UBE3D: variants seen among roughly 807,000 people sequenced by gnomAD.
UBE3D encodes the protein ubiquitin protein ligase E3D.
In UBE3D, 48 loss-of-function variants were observed where a neutral mutation model predicts 49.6. The ratio of observed to expected loss-of-function variants is 0.97; its 90% confidence interval spans 0.77 to 1.23. The LOEUF (loss-of-function observed/expected upper bound fraction) is 1.23, where lower values mean the gene tolerates loss of function less well. Ranked by LOEUF, UBE3D falls within the 50% of genes most tolerant of loss-of-function variation. UBE3D has a pLI of 0.00. For synonymous variants in UBE3D, 189 were observed against 174.2 expected (o/e 1.08, Z -0.67); for missense variants, 452 against 468.4 (o/e 0.96, Z 0.32).
chr6:82,937,596 C>G (rs766860034), intron 9 of UBE3D, among the ~76,000 whole-genome samples: 6 of 152,166 alleles, frequency 3.9e-5, no homozygotes, highest in Non-Finnish European at 7.3e-5. Flanking sequence ...AGAAATCTTT[C>G]TTGGAGTAAC....
chr6:82,885,915 A>G, the UBE3D span, among the ~76,000 whole-genome samples: 2 of 152,144 alleles, frequency 1.3e-5, no homozygotes, highest in African/African-American at 2.4e-5. Flanking sequence ...TAAGGCCCAC[A>G]TAAAATCTTG....
chr6:82,907,062 T>C (rs187487103), intron 9 of UBE3D, among the ~76,000 whole-genome samples: 8 of 152,260 alleles, frequency 5.3e-5, no homozygotes, highest in African/African-American at 1.9e-4. Context: ...CATTCCTGTA[T>C]GGGTAAAAGA....
chr6:83,058,024 T>C lies in UBE3D; in HGVS notation c.78-2A>G, dbSNP rs762331532. 1 of 1,613,786 alleles carries C rather than the reference T, an allele frequency of 6.2e-7. No homozygotes were observed. The highest frequency in any genetic ancestry group is 8.5e-7 in the Non-Finnish European group (1 of 1,179,934). On this transcript the variant is annotated splice_acceptor_variant, in intron 1 of 9. Coordinates refer to ENST00000369747, the MANE Select transcript of UBE3D (RefSeq NM_198920.3). LOFTEE classifies it high-confidence loss of function. ...GGCATACCTCCTTCTTTCGGTTCTC[T>C]GGTAATTAAAAACAAAACCCAAACA...
At chr6:83,063,379 ACT>A in intron 1 of UBE3D, 1 of 149,176 alleles carries the variant, frequency 6.7e-6, no homozygotes, top group Non-Finnish European at 1.5e-5. Flanking sequence ...ACACCACTGC[ACT>A]GTAGCCTGGG....
chr6:82,971,275 T>TA, intron 8 of UBE3D, among the ~76,000 whole-genome samples: 1 of 152,228 alleles, frequency 6.6e-6, no homozygotes, highest in East Asian at 1.9e-4. Context: ...TATGTTCTAT[T>TA]ACATTACCAG....
chr6:82,982,417 T>C (rs1033511839), intron 8 of UBE3D, among the ~76,000 whole-genome samples: 3 of 152,350 alleles, frequency 2.0e-5, no homozygotes, highest in Non-Finnish European at 2.9e-5. Context: ...ATATTATTAA[T>C]TGGTTGGTAA....
chr6:82,887,397 T>G (rs1436840045), downstream of UBE3D, among the ~76,000 whole-genome samples: 1 of 145,658 alleles, frequency 6.9e-6, no homozygotes, highest in East Asian at 2.0e-4. Context: ...CAGTTTTTTT[T>G]TTTTTTTTTT....
chr6:82,898,135 T>C (rs1771465227), intron 9 of UBE3D, among the ~76,000 whole-genome samples: 1 of 152,114 alleles, frequency 6.6e-6, no homozygotes. Flanking sequence ...TGAGATACCA[T>C]CAAATGCCAG....
chr6:82,957,381 C>T lies in UBE3D; in HGVS notation c.1080G>A (p.Glu360=). Residue 360 remains glutamate, a synonymous_variant, in exon 9 of 10, where the codon GAG becomes GAA. Coordinates refer to ENST00000369747, the MANE Select transcript of UBE3D (RefSeq NM_198920.3). ...TACTCTTTGACAATATCAACAGCAG[C>T]TCCAAGCAGGTTGCAGAGGGCAGGG... ...PLTLPSATCL[E]LLLILSKSNA... is the part of the protein sequence containing the mutation. 1 of 1,614,122 alleles carries T rather than the reference C, an allele frequency of 6.2e-7. No homozygotes were observed. The highest frequency in any genetic ancestry group is 8.5e-7 in the Non-Finnish European group (1 of 1,180,008).
intron 2 of UBE3D, among the ~76,000 whole-genome samples, chr6:83,055,435 T>C (rs1028246372): frequency 1.1e-4 from 16 of 152,352 alleles, no homozygotes; most frequent in Admixed American, 9.8e-4. Context: ...CAGAAATCCC[T>C]ATAGCACTAA....
At chr6:82,933,850 T>C (rs1258411931) in intron 9 of UBE3D, among the ~76,000 whole-genome samples, 1 of 152,194 alleles carries the variant, frequency 6.6e-6, no homozygotes, top group African/African-American at 2.4e-5. Flanking sequence ...AGCACTTCCA[T>C]GGACCAGAAG....
chr6:83,028,981 A>C (rs1185574564), intron 5 of UBE3D, among the ~76,000 whole-genome samples: 1 of 152,166 alleles, frequency 6.6e-6, no homozygotes, highest in African/African-American at 2.4e-5. Flanking sequence ...AGTTCACCTT[A>C]ATTGTATTAG....
Position 82,983,155 on chromosome 6 carries a change from GTT to G in UBE3D, c.1011-25707_1011-25706del, listed in dbSNP as rs5877831. 3.0e-3 allele frequency among the ~76,000 whole-genome samples: 409 copies of G among 134,746 alleles called. 1 individual carries two copies. The highest frequency in any genetic ancestry group is 6.3e-3 in the African/African-American group (233 of 36,746). The allele number at this position is 134,746 out of a possible 152,430, so 88.4% of individuals were successfully genotyped here. A position where few individuals can be genotyped will look rare whatever the true frequency, so the allele number is the denominator to read the frequency against. On this transcript the variant is annotated intron_variant, in intron 8 of 9. Transcript: ENST00000369747. Reference sequence around the variant, plus strand: ...CATGAGCCATCATACCTGGCTGAAAGTTTTTTTTTTTTTTTTTATCTTTTTTG... The same window carrying G: ...CATGAGCCATCATACCTGGCTGAAAGTTTTTTTTTTTTTTTATCTTTTTTG...
intron 9 of UBE3D, among the ~76,000 whole-genome samples, 156 bp from the exon 10 acceptor site, chr6:82,893,198 T>C (rs1771062873): frequency 6.6e-6 from 1 of 152,214 alleles, no homozygotes; most frequent in Non-Finnish European, 1.5e-5. Context: ...CATTTTATTT[T>C]ACAGCAGGAG....
chr6:82,898,955 G>A (rs899679397), intron 9 of UBE3D, among the ~76,000 whole-genome samples: 3 of 152,056 alleles, frequency 2.0e-5, no homozygotes, highest in South Asian at 2.1e-4. Context: ...AGGAATTTCC[G>A]CCTCCTGCTA....
intron 5 of UBE3D, chr6:83,036,689 T>C (rs1404942700): frequency 1.3e-5 from 2 of 152,114 alleles, no homozygotes; most frequent in African/African-American, 4.8e-5. Context: ...GTACAAGGTT[T>C]GTTGACTGTA....
At chr6:83,018,682 A>C in intron 8 of UBE3D, 1 of 305,888 alleles carries the variant, frequency 3.3e-6, no homozygotes, top group Non-Finnish European at 6.0e-6. Flanking sequence ...CTTATTGGTA[A>C]ATATTCATCA....
chr6:82,986,137 G>A (rs1392198347), intron 8 of UBE3D, among the ~76,000 whole-genome samples: 1 of 152,044 alleles, frequency 6.6e-6, no homozygotes, highest in Admixed American at 6.6e-5. Context: ...GATAGTTACC[G>A]TCTTATCCAA....
At chr6:83,040,255 G>A (rs760581977) in intron 4 of UBE3D, among the ~76,000 whole-genome samples, 11 of 151,914 alleles carry the variant, frequency 7.2e-5, no homozygotes, top group African/African-American at 2.2e-4. Flanking sequence ...GTCGTGGTGC[G>A]CGCTTGTAGT....
Sources: gnomAD v4.1 joint callset for allele counts (sites outside exome capture counted in the v4.1 genomes callset) on GRCh38, gnomAD v4.1.1 for gene constraint, MANE v1.5 for transcripts, NCBI Gene and HGNC (gene_info 2026-07-23, HGNC 2026-07-21) for gene names.